Variants in TSHZ1 observed in about 807,000 individuals in gnomAD.
The protein encoded by TSHZ1 is teashirt homolog 1.
TSHZ1 carries 12 observed loss-of-function variants against 67.1 expected under a neutral mutation model. The ratio of observed to expected loss-of-function variants is 0.18; its 90% CI spans 0.11 to 0.29. TSHZ1 has a LOEUF of 0.29. Ranked by LOEUF, TSHZ1 falls within the 10% of genes least tolerant of loss-of-function variation. The pLI, the probability that TSHZ1 is intolerant of heterozygous loss-of-function variation, is 1.00. For synonymous variants in TSHZ1, 632 were observed against 622.4 expected, an observed-to-expected ratio of 1.02 and a Z score of -0.23; for missense variants, 1,305 against 1,413.9, an observed-to-expected ratio of 0.92 and a Z score of 1.23.
At chr18:75,218,817 G>A (rs891576588) in intron 1 of TSHZ1, among the ~76,000 whole-genome samples, 3 of 152,268 alleles carry the variant, frequency 2.0e-5, no homozygotes, top group Non-Finnish European at 4.4e-5. Flanking sequence ...AACTTTCTTA[G>A]GGATGAGGCG....
At chr18:75,225,563 G>A (rs2122525945) in intron 1 of TSHZ1, among the ~76,000 whole-genome samples, 1 of 152,282 alleles carries the variant, frequency 6.6e-6, no homozygotes, top group East Asian at 1.9e-4. Flanking sequence ...TGAGAACTAG[G>A]AATTAGAGCC....
intron 1 of TSHZ1, among the ~76,000 whole-genome samples, chr18:75,212,701 C>T (rs2022715054): frequency 6.6e-6 from 1 of 152,214 alleles, no homozygotes; most frequent in Non-Finnish European, 1.5e-5. Context: ...GGCAACTTTT[C>T]TCTCTCGCTC....
In TSHZ1 at chr18:75,211,924, G is replaced by T. The variant is rs1371085035; in HGVS notation, c.40+8G>T. ...CCCCCCGGCGCTCGGCAGGTAACGG[G>T]CGCGCGGCCCGCGCCGCGGGGAGTG... On this transcript the variant is annotated splice_region_variant and intron_variant, in intron 1 of 1. Transcript: ENST00000580243. 8.3e-7 allele frequency: 1 copy of T among 1,202,276 alleles called. No homozygotes were observed. Among genetic ancestry groups the T allele is most frequent in the African/African-American group, 1.6e-5 (1 of 62,894 alleles). The allele number at this position is 1,202,276 out of a possible 1,614,324, so 74.5% of individuals were successfully genotyped here.
intron 1 of TSHZ1, among the ~76,000 whole-genome samples, chr18:75,233,906 GATTA>G (rs1568355460): frequency 6.6e-6 from 1 of 152,164 alleles, no homozygotes; most frequent in Non-Finnish European, 1.5e-5. Flanking sequence ...GGTTTGGGAG[GATTA>G]ATTAATTGAT....
chr18:75,288,583 C>T lies in TSHZ1; in HGVS notation c.3176C>T (p.Thr1059Ile). Residue 1059 changes from threonine (T) to isoleucine (I), a missense_variant, in exon 2 of 2, where the codon ACC becomes ATC. Transcript: ENST00000580243. The surrounding 1 kb of genome is among the most constrained non-coding windows in gnomAD (Gnocchi z 4.9). ...KHAVKLHLSK[T>I]HGKSPEDHLI... ...GCAGTCAAACTGCACCTTAGTAAGA[C>T]CCACGGCAAGTCTCCCGAGGACCAC... 2 of 1,613,328 alleles carry T rather than the reference C, an allele frequency of 1.2e-6. No individual in the cohort carries two copies. The highest frequency in any genetic ancestry group is 1.7e-6 in the Non-Finnish European group (2 of 1,179,700).
In TSHZ1 at chr18:75,288,092, G is replaced by A. The variant is rs749413749; in HGVS notation, c.2685G>A (p.Gln895=). 1.2e-6 allele frequency: 2 copies of A among 1,613,400 alleles called. No homozygotes were observed. The highest frequency in any genetic ancestry group is 1.7e-5 in the Admixed American group (1 of 60,014). ...GCCGGCAGTCCAACTGGAACCCGCA[G>A]CACCTTCTCATCCTGCAGGCCCAGT... ...RKGRQSNWNP[Q]HLLILQAQFA... Residue 895 remains glutamine, a synonymous_variant, in exon 2 of 2, where the codon CAG becomes CAA. Coordinates refer to ENST00000580243, the MANE Select transcript of TSHZ1 (RefSeq NM_001308210.2). This position sits in a 1 kb window ranked among gnomAD's most constrained non-coding sequence, Gnocchi z 4.9.
chr18:75,272,084 A>G (rs2023565253), intron 1 of TSHZ1, among the ~76,000 whole-genome samples: 1 of 152,248 alleles, frequency 6.6e-6, no homozygotes, highest in South Asian at 2.1e-4. Context: ...AGGGATGAAA[A>G]TGAACATTTC....
intron 1 of TSHZ1, among the ~76,000 whole-genome samples, chr18:75,279,805 C>T (rs958376819): frequency 2.6e-5 from 4 of 152,212 alleles, no homozygotes; most frequent in African/African-American, 9.7e-5. Flanking sequence ...TGCCATTCTC[C>T]GTGCTCCCCA....
chr18:75,271,904 T>C (rs2023562735), intron 1 of TSHZ1, among the ~76,000 whole-genome samples: 1 of 152,184 alleles, frequency 6.6e-6, no homozygotes, highest in Non-Finnish European at 1.5e-5. Flanking sequence ...GAGAGAACAT[T>C]ATTGAGCCCG....
intron 1 of TSHZ1, among the ~76,000 whole-genome samples, chr18:75,236,188 G>A (rs2023068428): frequency 6.6e-6 from 1 of 152,182 alleles, no homozygotes; most frequent in African/African-American, 2.4e-5. Flanking sequence ...GGGTGCTGGG[G>A]CCTCCCAAAT....
At chr18:75,237,395 G>A (rs1452460367) in intron 1 of TSHZ1, among the ~76,000 whole-genome samples, 2 of 152,220 alleles carry the variant, frequency 1.3e-5, no homozygotes, top group East Asian at 1.9e-4. Context: ...GGTGGTGCAT[G>A]CCTGTAGTCC....
chr18:75,233,523 G>A (rs1283276813), intron 1 of TSHZ1, among the ~76,000 whole-genome samples: 1 of 152,164 alleles, frequency 6.6e-6, no homozygotes, highest in East Asian at 1.9e-4. Flanking sequence ...ATCACCAGTT[G>A]TTAACGTCTG....
chr18:75,285,164 T>G, intron 1 of TSHZ1: 1 of 269,422 alleles, frequency 3.7e-6, no homozygotes, highest in Non-Finnish European at 6.9e-6. Flanking sequence ...AGTCCCAAGT[T>G]CCTGCCCTTC....
intron 1 of TSHZ1, among the ~76,000 whole-genome samples, chr18:75,248,539 T>C (rs1429636147): frequency 6.6e-6 from 1 of 152,234 alleles, no homozygotes; most frequent in African/African-American, 2.4e-5. Flanking sequence ...CTCACAAATA[T>C]GGGGCTGAAA....
At position 75,270,517 on chromosome 18, in the gene TSHZ1, TG is replaced by T. The variant is rs530364541; in HGVS notation, c.41-14930del. On this transcript the variant is annotated intron_variant, in intron 1 of 1. Coordinates refer to ENST00000580243, the MANE Select transcript of TSHZ1 (RefSeq NM_001308210.2). ...AGTCCTCCCAAATAAATTACAAGTG[TG>T]CTGGGAAAATACCCTTCTCTATCCA... is the stretch of plus-strand genomic sequence containing the variant. Among the ~76,000 whole-genome samples the T allele has an allele frequency of 8.4e-4, 128 of 152,330 alleles. 1 individual carries two copies. Among genetic ancestry groups the T allele is most frequent in the African/African-American group, 3.0e-3 (124 of 41,574 alleles).
chr18:75,218,773 C>T (rs1039990408), intron 1 of TSHZ1, among the ~76,000 whole-genome samples: 5 of 152,214 alleles, frequency 3.3e-5, no homozygotes, highest in African/African-American at 1.2e-4. Context: ...GGCTCAAGTT[C>T]ACAATGGACA....
At chr18:75,269,064 C>G (rs140739202) in intron 1 of TSHZ1, among the ~76,000 whole-genome samples, 1,968 of 152,192 alleles carry the variant, frequency 0.013, 17 homozygotes, top group South Asian at 0.023. Context: ...ACTGGAAATA[C>G]GATTTTTAAA....
chr18:75,286,115 C>A lies in TSHZ1; in HGVS notation c.708C>A (p.Tyr236Ter). The change falls in exon 2 of 2, where the codon TAC becomes TAA. Residue 236 changes from tyrosine to a stop codon, truncating the protein, a stop_gained. Transcript: ENST00000580243. LOFTEE classifies it high-confidence loss of function. This position sits in a 1 kb window ranked among gnomAD's most constrained non-coding sequence, Gnocchi z 5.1. ...VQLYRQNNKL[Y>*]GSVFTGASKF... is the part of the protein sequence containing the mutation. Reference sequence around the variant, plus strand: ...TCTACCGCCAGAACAACAAGCTCTACGGCTCCGTCTTCACGGGCGCCAGCA... The same window carrying A: ...TCTACCGCCAGAACAACAAGCTCTAAGGCTCCGTCTTCACGGGCGCCAGCA... 1 of 1,612,740 alleles carries A rather than the reference C, an allele frequency of 6.2e-7. No individual in the cohort carries two copies. Among genetic ancestry groups the A allele is most frequent in the Non-Finnish European group, 8.5e-7 (1 of 1,178,976 alleles).
At chr18:75,271,755 C>G (rs756014654) in intron 1 of TSHZ1, among the ~76,000 whole-genome samples, 9 of 151,440 alleles carry the variant, frequency 5.9e-5, no homozygotes, top group Admixed American at 2.0e-4. Flanking sequence ...CCCCTCCCCA[C>G]CCCCTTAACG....
Sources: allele counts gnomAD v4.1 joint callset (sites outside exome capture counted in the v4.1 genomes callset), GRCh38; gene constraint gnomAD v4.1.1; non-coding constraint Gnocchi (gnomAD v3.1); transcripts MANE v1.5; gene names NCBI Gene and HGNC (gene_info 2026-07-23, HGNC 2026-07-21).